The following IL15 variants were observed in gnomAD, a reference collection of about 807,000 sequenced individuals.
IL15 encodes the protein interleukin-15.
IL15 carries 11 observed loss-of-function variants against 19.6 expected under a neutral mutation model. The observed-to-expected ratio is 0.56, with a 90% CI of 0.35 to 0.93. The LOEUF (loss-of-function observed/expected upper bound fraction) is 0.93, where lower values mean the gene tolerates loss of function less well. Among genes scored for constraint, IL15 ranks in the 40% least tolerant of loss-of-function variants. The probability of loss-of-function intolerance (pLI) is 0.01; values close to 1 mark genes in which losing one functional copy is unlikely to be tolerated. For synonymous variants in IL15, 58 were observed against 59.6 expected (o/e 0.97, Z 0.12); for missense variants, 197 against 186.5 (o/e 1.06, Z -0.33).
intron 2 of IL15, among the ~76,000 whole-genome samples, chr4:141,709,332 G>A (rs1271939594): frequency 6.6e-6 from 1 of 152,110 alleles, no homozygotes; most frequent in Admixed American, 6.5e-5. Context: ...AGGATGTCAT[G>A]TATCTAATCT....
intron 4 of IL15, 131 bp downstream of exon 4, chr4:141,720,697 A>G (rs141996724): frequency 1.1e-4 from 75 of 681,970 alleles, no homozygotes; most frequent in Admixed American, 2.1e-4. Context: ...TGGGGGATAG[A>G]AGGCAGACTA....
chr4:141,670,435 T>C (rs1383151346), intron 2 of IL15, among the ~76,000 whole-genome samples: 1 of 152,188 alleles, frequency 6.6e-6, no homozygotes, highest in African/African-American at 2.4e-5. Context: ...TATGAGTTCC[T>C]TACTTCTGTC....
intron 2 of IL15, among the ~76,000 whole-genome samples, chr4:141,683,300 G>T (rs1471412535): frequency 6.6e-6 from 1 of 151,582 alleles, no homozygotes; most frequent in African/African-American, 2.4e-5. Flanking sequence ...GCTGGGCGCG[G>T]TGGCTCATGC....
rs1729105659 is a variant in IL15, at chr4:141,696,648, A to G, written c.-99-22718A>G. ...AGTGTATGGAATTTTATTACTTTCTATTTTTATTTCAATAGATTTTTGGTA... is the reference window on the plus strand; with the variant it reads ...AGTGTATGGAATTTTATTACTTTCTGTTTTTATTTCAATAGATTTTTGGTA... On this transcript the variant is annotated intron_variant, in intron 2 of 7. Coordinates refer to ENST00000320650, the MANE Select transcript of IL15 (RefSeq NM_000585.5). Among the ~76,000 whole-genome samples, 5 of 151,796 alleles carry G rather than the reference A, an allele frequency of 3.3e-5. No homozygotes were observed. The South Asian group carries it at 1.0e-3, about 32-fold the overall frequency.
chr4:141,640,064 G>T (rs1425987554), intron 1 of IL15, among the ~76,000 whole-genome samples: 1 of 152,148 alleles, frequency 6.6e-6, no homozygotes, highest in Non-Finnish European at 1.5e-5. Flanking sequence ...GGCAGACAAG[G>T]TTTACTTTTT....
At chr4:141,683,489 T>C (rs1047400841) in intron 2 of IL15, among the ~76,000 whole-genome samples, 1 of 151,014 alleles carries the variant, frequency 6.6e-6, no homozygotes, top group African/African-American at 2.4e-5. Context: ...GAAAATTGCT[T>C]GACCCTGGGA....
chr4:141,655,612 CAT>C (rs1727564637), intron 1 of IL15, among the ~76,000 whole-genome samples: 1 of 151,956 alleles, frequency 6.6e-6, no homozygotes, highest in African/African-American at 2.4e-5. Context: ...TATAAAAAAA[CAT>C]AGAAGTTACA....
chr4:141,652,214 C>A (rs1026301701), intron 1 of IL15, among the ~76,000 whole-genome samples: 6 of 152,012 alleles, frequency 3.9e-5, no homozygotes, highest in African/African-American at 1.4e-4. Flanking sequence ...TTAATGAGGC[C>A]AGTGAAAGAG....
intron 2 of IL15, among the ~76,000 whole-genome samples, chr4:141,674,976 G>A (rs961936526): frequency 2.0e-5 from 3 of 152,190 alleles, no homozygotes; most frequent in Admixed American, 6.5e-5. Flanking sequence ...GTGTCAGCCA[G>A]GCTGGGCTCT....
chr4:141,671,750 C>A (rs890364571), intron 2 of IL15, among the ~76,000 whole-genome samples: 2 of 152,124 alleles, frequency 1.3e-5, no homozygotes, highest in Non-Finnish European at 2.9e-5. Flanking sequence ...TTTGCCATAT[C>A]CTGTTGGTCA....
intron 2 of IL15, among the ~76,000 whole-genome samples, chr4:141,689,893 C>A (rs563996882): frequency 6.6e-6 from 1 of 152,168 alleles, no homozygotes; most frequent in Non-Finnish European, 1.5e-5. Flanking sequence ...TGGGACTGGG[C>A]GCCGTGGAGC....
chr4:141,654,029 T>G (rs1448800682), intron 1 of IL15, among the ~76,000 whole-genome samples: 1 of 152,236 alleles, frequency 6.6e-6, no homozygotes, highest in Non-Finnish European at 1.5e-5. Flanking sequence ...AGGAATGGAA[T>G]ACACTATTGT....
intron 2 of IL15, among the ~76,000 whole-genome samples, chr4:141,696,399 T>C (rs1036913835): frequency 2.0e-5 from 3 of 152,124 alleles, no homozygotes; most frequent in Non-Finnish European, 4.4e-5. Context: ...CTGAATTCCT[T>C]TGGCTATTTG....
chr4:141,651,897 A>G (rs1339628320), intron 1 of IL15, among the ~76,000 whole-genome samples: 2 of 152,036 alleles, frequency 1.3e-5, no homozygotes, highest in African/African-American at 2.4e-5. Context: ...CTGCCAATAA[A>G]ACCCTCCAAA....
intron 1 of IL15, among the ~76,000 whole-genome samples, chr4:141,639,170 G>A (rs1726961078): frequency 6.6e-6 from 1 of 152,180 alleles, no homozygotes; most frequent in African/African-American, 2.4e-5. Context: ...AGGTCACAGA[G>A]CTAGAAAGTG....
rs139120184 is a variant in IL15, at chr4:141,719,476, G to T, written c.12G>T (p.Ser4=). The T allele has an allele frequency of 2.6e-5, 29 of 1,113,252 alleles. No homozygotes were observed. Among genetic ancestry groups the T allele is most frequent in the Non-Finnish European group, 2.3e-5 (17 of 728,758 alleles). The allele number at this position is 1,113,252 out of a possible 1,614,324, so 69.0% of individuals were successfully genotyped here. A position where few individuals can be genotyped will look rare whatever the true frequency, so the allele number is the denominator to read the frequency against. ...CGTGGCTTTGAGTAATGAGAATTTC[G>T]GTAAGAAAAAAAATAGATGAAAATA... is the stretch of plus-strand genomic sequence containing the variant. MRI[S]KPHLRSISIQ... The change falls in exon 3 of 8, where the codon TCG becomes TCT. Residue 4 remains serine (S), a splice_region_variant and synonymous_variant. Coordinates refer to ENST00000320650, the MANE Select transcript of IL15 (RefSeq NM_000585.5).
chr4:141,699,091 A>G lies in IL15; in HGVS notation c.-99-20275A>G, dbSNP rs112369641. 6.2e-3 allele frequency among the ~76,000 whole-genome samples: 942 copies of G among 152,292 alleles called. 18 individuals are homozygous for G. The highest frequency in any genetic ancestry group is 0.022 in the African/African-American group (911 of 41,580). On this transcript the variant is annotated intron_variant, in intron 2 of 7. Transcript: ENST00000320650. ...TCTTGATTTTATTGTTAAGCCAAAA[A>G]TCATTCAAGAGCAGATTATTAAATT...
intron 2 of IL15, among the ~76,000 whole-genome samples, chr4:141,664,547 C>G (rs945720267): frequency 6.6e-6 from 1 of 151,872 alleles, no homozygotes; most frequent in Admixed American, 6.6e-5. Flanking sequence ...GAGCTGTTGG[C>G]AAAGAACATA....
At chr4:141,730,539 C>T (rs542398779) in intron 7 of IL15, among the ~76,000 whole-genome samples, 14 of 152,210 alleles carry the variant, frequency 9.2e-5, no homozygotes, top group South Asian at 2.1e-4. Context: ...AACTCTTACC[C>T]GAGCAGTCTG....
Sources: allele counts gnomAD v4.1 joint callset (sites outside exome capture counted in the v4.1 genomes callset), GRCh38; gene constraint gnomAD v4.1.1; transcripts MANE v1.5; gene names NCBI Gene and HGNC (gene_info 2026-07-23, HGNC 2026-07-21).